The following CACNG2 variants were observed in gnomAD, a reference collection of about 807,000 sequenced individuals.
The protein encoded by CACNG2 is voltage-dependent calcium channel gamma-2 subunit.
Under a neutral mutation model 25.9 loss-of-function variants are expected in CACNG2, and 3 were observed. The ratio of observed to expected loss-of-function variants is 0.12; its 90% CI spans 0.05 to 0.30. The LOEUF is 0.30. CACNG2 is among the 10% of genes least tolerant of loss of function. The pLI is 1.00. For missense variants in CACNG2, 341 were observed against 432.5 expected (o/e 0.79, Z 1.88); for synonymous variants, 167 against 173.3 (o/e 0.96, Z 0.29).
At chr22:36,578,778 G>A (rs1177430269) in intron 2 of CACNG2, among the ~76,000 whole-genome samples, 3 of 152,164 alleles carry the variant, frequency 2.0e-5, no homozygotes, top group Non-Finnish European at 4.4e-5. Context: ...AGGGCGGGCG[G>A]TACCTTGTTT....
intron 1 of CACNG2, among the ~76,000 whole-genome samples, chr22:36,679,813 G>A (rs1473026845): frequency 2.0e-5 from 3 of 152,132 alleles, no homozygotes; most frequent in Admixed American, 6.5e-5. Flanking sequence ...GAAAAATTCA[G>A]AATTTTTCTT....
At chr22:36,567,465 A>C (rs1364256168) in intron 2 of CACNG2, among the ~76,000 whole-genome samples, 1 of 152,202 alleles carries the variant, frequency 6.6e-6, no homozygotes, top group Non-Finnish European at 1.5e-5. Flanking sequence ...ATTGCAAAGA[A>C]AACAAAGTAA....
At chr22:36,627,988 A>G (rs1936209307) in intron 1 of CACNG2, among the ~76,000 whole-genome samples, 3 of 152,212 alleles carry the variant, frequency 2.0e-5, no homozygotes, top group Admixed American at 6.5e-5. Context: ...AAAATTGTGC[A>G]TACAATATGA....
intron 2 of CACNG2, among the ~76,000 whole-genome samples, chr22:36,579,278 C>T (rs1935374004): frequency 6.6e-6 from 1 of 151,926 alleles, no homozygotes; most frequent in Non-Finnish European, 1.5e-5. Flanking sequence ...GTGGCAGACA[C>T]TTGTAATCCC....
rs1414100654 is a variant in CACNG2, at chr22:36,606,202, G to T, written c.212-18654C>A. ...ATACAGACGGATTCCCCGTCCCCCAGAGCTGAGTCTTGAGAGGACCCTAGA... is the reference window on the plus strand; with the variant it reads ...ATACAGACGGATTCCCCGTCCCCCATAGCTGAGTCTTGAGAGGACCCTAGA... On this transcript the variant is annotated intron_variant, in intron 1 of 3. Transcript: ENST00000300105. The surrounding 1 kb of genome is among the most constrained non-coding windows in gnomAD (Gnocchi z 5.7). 1.3e-5 allele frequency among the ~76,000 whole-genome samples: 2 copies of T among 152,218 alleles called. No homozygotes were observed. Among genetic ancestry groups the T allele is most frequent in the Non-Finnish European group, 2.9e-5 (2 of 68,042 alleles).
At chr22:36,632,468 TC>T (rs397831850) in intron 1 of CACNG2, among the ~76,000 whole-genome samples, 18 of 80,428 alleles carry the variant, frequency 2.2e-4, no homozygotes, top group African/African-American at 3.6e-4. Flanking sequence ...CTCTCTCCTC[TC>T]CTCTCTCTCT....
chr22:36,615,386 G>C (rs747678850), intron 1 of CACNG2, among the ~76,000 whole-genome samples: 1 of 152,104 alleles, frequency 6.6e-6, no homozygotes, highest in African/African-American at 2.4e-5. Flanking sequence ...CTCAACTGCC[G>C]CTTTCCACAA....
intron 1 of CACNG2, among the ~76,000 whole-genome samples, chr22:36,663,348 C>A (rs1450102553): frequency 1.3e-5 from 2 of 152,070 alleles, no homozygotes; most frequent in Non-Finnish European, 2.9e-5. Flanking sequence ...AGGGGTACTT[C>A]GAGGAAAGGG....
intron 1 of CACNG2, among the ~76,000 whole-genome samples, chr22:36,629,488 C>A (rs942718370): frequency 6.6e-6 from 1 of 151,242 alleles, no homozygotes; most frequent in South Asian, 2.1e-4. Flanking sequence ...AGAGGGGCAA[C>A]TAACTGTGTG....
At chr22:36,601,292 G>A (rs565015205) in intron 1 of CACNG2, among the ~76,000 whole-genome samples, 23 of 151,950 alleles carry the variant, frequency 1.5e-4, no homozygotes, top group African/African-American at 2.7e-4. Flanking sequence ...TTCACTTAGC[G>A]TATTGTCCTC....
At chr22:36,592,532 C>T (rs909559837) in intron 1 of CACNG2, among the ~76,000 whole-genome samples, 2 of 152,172 alleles carry the variant, frequency 1.3e-5, no homozygotes, top group Non-Finnish European at 1.5e-5. Context: ...ACAACATTCG[C>T]TGTTGTTTTC....
At chr22:36,604,547 T>A (rs1935802381) in intron 1 of CACNG2, among the ~76,000 whole-genome samples, 1 of 152,208 alleles carries the variant, frequency 6.6e-6, no homozygotes, top group Non-Finnish European at 1.5e-5. Context: ...CATTGTTGTC[T>A]TAGTTTAAGA....
At chr22:36,598,017 G>A (rs1038025133) in intron 1 of CACNG2, among the ~76,000 whole-genome samples, 2 of 152,154 alleles carry the variant, frequency 1.3e-5, no homozygotes, top group African/African-American at 2.4e-5. Flanking sequence ...ATTCTAAGAC[G>A]CTCACATGCA....
intron 1 of CACNG2, among the ~76,000 whole-genome samples, chr22:36,601,963 C>T (rs1195419721): frequency 6.6e-6 from 1 of 152,116 alleles, no homozygotes; most frequent in Non-Finnish European, 1.5e-5. Context: ...TCCCTTTTCT[C>T]CACACCCTCG....
At chr22:36,570,072 C>G (rs1935198816) in intron 2 of CACNG2, among the ~76,000 whole-genome samples, 1 of 152,240 alleles carries the variant, frequency 6.6e-6, no homozygotes, top group Non-Finnish European at 1.5e-5. Flanking sequence ...CAATTGTGCC[C>G]TCACAGCAAA....
At chr22:36,668,024 C>T (rs957030374) in intron 1 of CACNG2, among the ~76,000 whole-genome samples, 1 of 152,222 alleles carries the variant, frequency 6.6e-6, no homozygotes, top group African/African-American at 2.4e-5. Context: ...TGCATGAACT[C>T]TTCAGATACC....
intron 1 of CACNG2, among the ~76,000 whole-genome samples, chr22:36,649,975 G>A (rs1298415196): frequency 1.3e-5 from 2 of 152,186 alleles, no homozygotes; most frequent in African/African-American, 2.4e-5. Context: ...AATACAGACT[G>A]TGTCTCAAGA....
chr22:36,655,355 C>A (rs879883495), intron 1 of CACNG2, among the ~76,000 whole-genome samples: 4 of 152,170 alleles, frequency 2.6e-5, no homozygotes, highest in South Asian at 2.1e-4. Context: ...TCAAGCGTCA[C>A]CTCCTTGTGT....
intron 1 of CACNG2, among the ~76,000 whole-genome samples, chr22:36,599,615 G>T (rs557559548): frequency 7.2e-5 from 11 of 152,270 alleles, no homozygotes; most frequent in Admixed American, 5.9e-4. Flanking sequence ...CAGGAGGACT[G>T]CTAGAGCCTG....
Sources: gnomAD v4.1 joint callset for allele counts (sites outside exome capture counted in the v4.1 genomes callset) on GRCh38, gnomAD v4.1.1 for gene constraint, Gnocchi (gnomAD v3.1) non-coding constraint, MANE v1.5 for transcripts, NCBI Gene and HGNC (gene_info 2026-07-23, HGNC 2026-07-21) for gene names.